IMPG2: variants seen among roughly 807,000 people sequenced by gnomAD.
IMPG2 encodes interphotoreceptor matrix proteoglycan 2.
IMPG2 carries 91 observed loss-of-function variants against 129.2 expected under a neutral mutation model. The observed-to-expected ratio is 0.70, with a 90% CI of 0.59 to 0.84. IMPG2 has a LOEUF of 0.84. Ranked by LOEUF, IMPG2 falls within the 40% of genes least tolerant of loss-of-function variation. The pLI is 0.00. For missense variants in IMPG2, 1,430 were observed against 1,461.7 expected, an observed-to-expected ratio of 0.98 and a Z score of 0.35; for synonymous variants, 510 against 517.7, an observed-to-expected ratio of 0.99 and a Z score of 0.20.
intron 7 of IMPG2, among the ~76,000 whole-genome samples, chr3:101,270,059 C>A (rs1399679453): frequency 6.6e-6 from 1 of 151,116 alleles, no homozygotes; most frequent in Non-Finnish European, 1.5e-5. Context: ...GCCTCCTGAG[C>A]AGCTGGAATT....
At chr3:101,289,980 G>A (rs1463023915) in intron 4 of IMPG2, among the ~76,000 whole-genome samples, 1 of 150,966 alleles carries the variant, frequency 6.6e-6, no homozygotes, top group Non-Finnish European at 1.5e-5. Context: ...ACTGATGAGA[G>A]GAACGTAGAA....
At chr3:101,227,021 G>A (rs764084338) in intron 18 of IMPG2, 40 bp from the exon 19 acceptor site, 2 of 1,600,068 alleles carry the variant, frequency 1.2e-6, no homozygotes, top group South Asian at 1.1e-5. Context: ...TAAAAAAAAA[G>A]CAAGAATGTA....
chr3:101,314,482 C>T (rs1281402355), intron 2 of IMPG2, among the ~76,000 whole-genome samples: 1 of 152,010 alleles, frequency 6.6e-6, no homozygotes, highest in Non-Finnish European at 1.5e-5. Context: ...AAACTATACC[C>T]AGCGTTTGGG....
intron 4 of IMPG2, among the ~76,000 whole-genome samples, chr3:101,284,723 G>A (rs1010781190): frequency 3.3e-5 from 5 of 152,160 alleles, no homozygotes; most frequent in African/African-American, 1.2e-4. Context: ...TGTGCACACA[G>A]GATTTCAATG....
At chr3:101,232,643 A>T in intron 15 of IMPG2, 138 bp downstream of exon 15, 1 of 704,584 alleles carries the variant, frequency 1.4e-6, no homozygotes, top group Non-Finnish European at 2.5e-6. Context: ...TGACAGTTAG[A>T]TGGCTCCCAT....
chr3:101,258,903 T>C (rs1706641027), intron 9 of IMPG2, among the ~76,000 whole-genome samples: 1 of 152,212 alleles, frequency 6.6e-6, no homozygotes. Flanking sequence ...GTATTTTACA[T>C]GCTTTATCTC....
intron 14 of IMPG2, among the ~76,000 whole-genome samples, chr3:101,233,347 T>C (rs1046468244): frequency 2.6e-5 from 4 of 152,046 alleles, no homozygotes; most frequent in African/African-American, 9.7e-5. Flanking sequence ...GCAGTTTTCA[T>C]GGACCATTCA....
chr3:101,319,712 C>T lies in IMPG2; in HGVS notation c.206G>A (p.Arg69Lys). 1 of 1,613,708 alleles carries T rather than the reference C, an allele frequency of 6.2e-7. No individual in the cohort carries two copies. The highest frequency in any genetic ancestry group is 1.1e-5 in the South Asian group (1 of 91,080). Residue 69 changes from arginine (R) to lysine (K), a missense_variant, in exon 2 of 19, where the codon AGA (arginine) becomes AAA (lysine). By Grantham distance (26) the Arg-to-Lys change is conservative. Coordinates refer to ENST00000193391, the MANE Select transcript of IMPG2 (RefSeq NM_016247.4). ...GATTAACCACTGTCTTTCAGTTTCT[C>T]TGCGGTCCAGAGGCTGTTTCTTTTT... ...ATKKKQPLDRRETERQWLIRR... is the reference protein window; with the variant it reads ...ATKKKQPLDRKETERQWLIRR...
chr3:101,228,648 A>G, intron 18 of IMPG2, 149 bp downstream of exon 18: 1 of 677,152 alleles, frequency 1.5e-6, no homozygotes, highest in Non-Finnish European at 2.7e-6. Context: ...CTGGACATGC[A>G]TAAACTTTGA....
chr3:101,284,232 G>A (rs886638485), intron 4 of IMPG2, among the ~76,000 whole-genome samples: 50 of 152,204 alleles, frequency 3.3e-4, no homozygotes, highest in African/African-American at 9.9e-4. Context: ...TTGTGGATGT[G>A]TTGAGTTTGA....
chr3:101,310,208 T>C (rs1232135710), intron 2 of IMPG2, among the ~76,000 whole-genome samples: 1 of 152,224 alleles, frequency 6.6e-6, no homozygotes, highest in Non-Finnish European at 1.5e-5. Context: ...ATGATACTCA[T>C]ACTGAAATAT....
chr3:101,230,212 G>A (rs1706271289), intron 16 of IMPG2, among the ~76,000 whole-genome samples: 1 of 152,208 alleles, frequency 6.6e-6, no homozygotes, highest in Admixed American at 6.5e-5. Flanking sequence ...GATGGTGAGA[G>A]AAGTAAACTA....
At chr3:101,281,812 C>T (rs147392668) in intron 4 of IMPG2, among the ~76,000 whole-genome samples, 1,866 of 152,210 alleles carry the variant, frequency 0.012, 40 homozygotes, top group African/African-American at 0.043. Context: ...ACTCCACCGG[C>T]CATTGCTGTC....
At chr3:101,305,404 G>A (rs565595095) in intron 2 of IMPG2, among the ~76,000 whole-genome samples, 3 of 152,208 alleles carry the variant, frequency 2.0e-5, no homozygotes. Context: ...CTATAATGGA[G>A]GATACATGTC....
intron 4 of IMPG2, among the ~76,000 whole-genome samples, chr3:101,280,393 G>A (rs1367845823): frequency 1.3e-5 from 2 of 152,146 alleles, no homozygotes; most frequent in African/African-American, 4.8e-5. Context: ...TAAGAAACCT[G>A]AGTGCTAGTC....
intron 2 of IMPG2, among the ~76,000 whole-genome samples, chr3:101,316,470 A>G (rs1319192990): frequency 3.3e-5 from 5 of 152,086 alleles, no homozygotes; most frequent in Non-Finnish European, 5.9e-5. Flanking sequence ...TCACTAAAAA[A>G]AGATATATAA....
Position 101,273,584 on chromosome 3 carries a change from T to C in IMPG2, c.825A>G (p.Ser275=), listed in dbSNP as rs769927298. Residue 275 remains serine, a synonymous_variant, in exon 7 of 19, where the codon TCA becomes TCG. Coordinates refer to ENST00000193391, the MANE Select transcript of IMPG2 (RefSeq NM_016247.4). The part of the protein sequence containing the change: ...HHQHLEEEFI[S]EVENAFTGLP... Reference sequence around the variant, plus strand: ...TGTTTTTTTTTTAATCACCCACCTCTGAAATAAATTCTTCTTCAAGGTGCT... The same window carrying C: ...TGTTTTTTTTTTAATCACCCACCTCCGAAATAAATTCTTCTTCAAGGTGCT... 1 of 1,614,014 alleles carries C rather than the reference T, an allele frequency of 6.2e-7. No homozygotes were observed. Among genetic ancestry groups the C allele is most frequent in the Admixed American group, 1.7e-5 (1 of 60,024 alleles).
At chr3:101,230,555 C>A (rs1434719982) in intron 16 of IMPG2, among the ~76,000 whole-genome samples, 1 of 152,210 alleles carries the variant, frequency 6.6e-6, no homozygotes, top group Non-Finnish European at 1.5e-5. Context: ...TGGTCACACT[C>A]AACCATGCCT....
chr3:101,318,149 AAATAATAATAAT>A (rs138777161), intron 2 of IMPG2, among the ~76,000 whole-genome samples: 32,515 of 144,028 alleles, frequency 0.23, 3,800 homozygotes, highest in Non-Finnish European at 0.24. Flanking sequence ...AAATAGTAAT[AAATAATAATAAT>A]AATAATAATA....
Sources: gnomAD v4.1 joint callset for allele counts (sites outside exome capture counted in the v4.1 genomes callset) on GRCh38, gnomAD v4.1.1 for gene constraint, MANE v1.5 for transcripts, NCBI Gene and HGNC (gene_info 2026-07-23, HGNC 2026-07-21) for gene names.